Variants in HIKESHI observed in about 807,000 individuals in gnomAD.
HIKESHI encodes the protein heat shock protein nuclear import factor hikeshi.
A neutral mutation model predicts 25.7 loss-of-function variants in HIKESHI; 13 were observed. The observed-to-expected ratio is 0.51, with a 90% CI of 0.33 to 0.80. The LOEUF (loss-of-function observed/expected upper bound fraction) is 0.80, where lower values mean the gene tolerates loss of function less well. Among genes scored for constraint, HIKESHI ranks in the 30% least tolerant of loss-of-function variants. The pLI, the probability that HIKESHI is intolerant of heterozygous loss-of-function variation, is 0.02. For missense variants in HIKESHI, 174 were observed against 229.5 expected (o/e 0.76, Z 1.56); for synonymous variants, 76 against 78.7 (o/e 0.97, Z 0.18).
Position 86,306,495 on chromosome 11 carries a change from T to C in HIKESHI, c.268+13T>C, listed in dbSNP as rs769914050. ...GGTCTTAAATCTGGTAAGAATAATA[T>C]ATTAAAGTAGTTTTATAATTAATCA... On this transcript the variant is annotated intron_variant, in intron 2 of 4. Transcript: ENST00000278483. 4.8e-6 allele frequency: 7 copies of C among 1,463,396 alleles called. No homozygotes were observed. The highest frequency in any genetic ancestry group is 2.3e-5 in the East Asian group (1 of 43,640). 90.7% of individuals were successfully genotyped at this position (1,463,396 alleles called of 1,614,324 possible). A position where few individuals can be genotyped will look rare whatever the true frequency, so the allele number is the denominator to read the frequency against.
chr11:86,318,179 C>T (rs1947039981), intron 2 of HIKESHI, among the ~76,000 whole-genome samples: 1 of 151,390 alleles, frequency 6.6e-6, no homozygotes, highest in Non-Finnish European at 1.5e-5. Context: ...TGGTGGGCGC[C>T]TGTAATCCTA....
intron 2 of HIKESHI, among the ~76,000 whole-genome samples, chr11:86,329,652 G>A (rs547048251): frequency 1.2e-4 from 18 of 150,952 alleles, no homozygotes; most frequent in Admixed American, 7.2e-4. Flanking sequence ...TGGTAAGAGT[G>A]CAATGAGATA....
At chr11:86,313,697 T>A (rs1946895168) in intron 2 of HIKESHI, among the ~76,000 whole-genome samples, 1 of 152,210 alleles carries the variant, frequency 6.6e-6, no homozygotes, top group Non-Finnish European at 1.5e-5. Context: ...GGAAGACATT[T>A]CTGTAGACCA....
chr11:86,328,727 C>A (rs958238250), intron 2 of HIKESHI, among the ~76,000 whole-genome samples: 1 of 152,008 alleles, frequency 6.6e-6, no homozygotes, highest in Non-Finnish European at 1.5e-5. Flanking sequence ...CAGGCATGAG[C>A]CACCATGCCT....
intron 2 of HIKESHI, among the ~76,000 whole-genome samples, chr11:86,328,667 C>T (rs925351327): frequency 6.6e-6 from 1 of 152,062 alleles, no homozygotes; most frequent in Non-Finnish European, 1.5e-5. Context: ...TGGTCTTGAA[C>T]TCCTGACCTT....
intron 3 of HIKESHI, among the ~76,000 whole-genome samples, chr11:86,340,273 G>A (rs377303555): frequency 1.3e-5 from 2 of 152,124 alleles, no homozygotes; most frequent in Admixed American, 6.6e-5. Context: ...CCCAGTAATG[G>A]GATCACTGGG....
At chr11:86,306,794 C>T (rs553373201) in intron 2 of HIKESHI, among the ~76,000 whole-genome samples, 3 of 151,246 alleles carry the variant, frequency 2.0e-5, no homozygotes, top group Non-Finnish European at 4.4e-5. Context: ...GTCAGGAGAT[C>T]GAGACCATCC....
intron 2 of HIKESHI, among the ~76,000 whole-genome samples, chr11:86,322,945 T>C (rs567024260): frequency 1.3e-5 from 2 of 152,288 alleles, no homozygotes; most frequent in South Asian, 4.1e-4. Flanking sequence ...AAGTAAAATA[T>C]AGGCTGGGCA....
intron 2 of HIKESHI, among the ~76,000 whole-genome samples, chr11:86,318,310 A>AAAAAAAAAAAAAAAAAAAAAAAAC: frequency 6.8e-6 from 1 of 147,676 alleles, no homozygotes; most frequent in Non-Finnish European, 1.5e-5. Context: ...TCTCAAAAAA[A>AAAAAAAAAAAAAAAAAAAAAAAAC]AAAAAAAAAA....
At chr11:86,304,244 T>TG (rs1295325495) in intron 1 of HIKESHI, among the ~76,000 whole-genome samples, 1 of 152,128 alleles carries the variant, frequency 6.6e-6, no homozygotes, top group Non-Finnish European at 1.5e-5. Context: ...TTTTCCTAAG[T>TG]TTATTTGTAT....
intron 2 of HIKESHI, 127 bp downstream of exon 2, chr11:86,306,609 G>GT (rs200215038): frequency 1.4e-5 from 8 of 588,528 alleles, no homozygotes; most frequent in Non-Finnish European, 2.3e-5. Context: ...ACAAAACATT[G>GT]TTTTTTAAAA....
chr11:86,319,568 T>G (rs1037956957), intron 2 of HIKESHI, among the ~76,000 whole-genome samples: 2 of 151,920 alleles, frequency 1.3e-5, no homozygotes, highest in Middle Eastern at 3.2e-3. Flanking sequence ...CAAAATGATT[T>G]TTTAATATCA....
chr11:86,317,773 C>T (rs895496425), intron 2 of HIKESHI, among the ~76,000 whole-genome samples: 2 of 151,862 alleles, frequency 1.3e-5, no homozygotes, highest in Non-Finnish European at 1.5e-5. Flanking sequence ...CCACTGTACT[C>T]CAGCCTGGGC....
chr11:86,321,624 C>A (rs140118793), intron 2 of HIKESHI, among the ~76,000 whole-genome samples: 2 of 151,450 alleles, frequency 1.3e-5, no homozygotes, highest in African/African-American at 4.9e-5. Flanking sequence ...CTGCCTCCCA[C>A]GTTCAAGTGA....
chr11:86,316,111 C>T (rs1377050818), intron 2 of HIKESHI, among the ~76,000 whole-genome samples: 2 of 98,612 alleles, frequency 2.0e-5, no homozygotes, highest in African/African-American at 8.7e-5. Flanking sequence ...AAGACTGTCT[C>T]CATTAAAAAA....
intron 2 of HIKESHI, among the ~76,000 whole-genome samples, chr11:86,318,240 C>T: frequency 7.7e-6 from 1 of 129,876 alleles, no homozygotes; most frequent in Non-Finnish European, 1.5e-5. Context: ...GGAGACGGAG[C>T]TTGCAGTGAG....
chr11:86,339,589 T>C (rs1468393059), intron 3 of HIKESHI, among the ~76,000 whole-genome samples: 1 of 151,398 alleles, frequency 6.6e-6, no homozygotes, highest in African/African-American at 2.5e-5. Context: ...TAACTTTTTA[T>C]ATCTTTCCTA....
At position 86,312,398 on chromosome 11, in the gene HIKESHI, T is replaced by G. The variant is rs184544523; in HGVS notation, c.268+5916T>G. ...GGATTGCAACCCCTGCCTTTTTTTG[T>G]TTTCCATTTGCTTGGTAGATCTTCC... On this transcript the variant is annotated intron_variant, in intron 2 of 4. Transcript: ENST00000278483. Among the ~76,000 whole-genome samples the G allele has an allele frequency of 8.2e-3, 1,250 of 152,306 alleles. 58 individuals carry two copies. The highest frequency in any genetic ancestry group is 0.074 in the Admixed American group (1,126 of 15,278).
At chr11:86,304,650 AG>A (rs1946573419) in intron 1 of HIKESHI, among the ~76,000 whole-genome samples, 1 of 151,294 alleles carries the variant, frequency 6.6e-6, no homozygotes. Context: ...TGAGTAGCTG[AG>A]ACTACAGGCA....
Sources: allele counts gnomAD v4.1 joint callset (sites outside exome capture counted in the v4.1 genomes callset), GRCh38; gene constraint gnomAD v4.1.1; transcripts MANE v1.5; gene names NCBI Gene and HGNC (gene_info 2026-07-23, HGNC 2026-07-21).